The following POLA2 variants were observed in gnomAD, a reference collection of about 807,000 sequenced individuals.
The protein encoded by POLA2 is DNA polymerase alpha subunit B.
A neutral mutation model predicts 82.8 loss-of-function variants in POLA2; 47 were observed. The observed-to-expected ratio is 0.57, with a 90% CI of 0.45 to 0.72. The LOEUF (loss-of-function observed/expected upper bound fraction) is 0.72, where lower values mean the gene tolerates loss of function less well. POLA2 is among the 30% of genes least tolerant of loss of function. The pLI is 0.00. For missense variants in POLA2, 634 were observed against 728.1 expected, an observed-to-expected ratio of 0.87 and a Z score of 1.49; for synonymous variants, 287 against 286.8, an observed-to-expected ratio of 1.00 and a Z score of -0.01.
rs1289486436 is a variant in POLA2 at position 65,268,730 on chromosome 11, G to A, written c.354+1G>A. 4 of 1,569,686 alleles carry A rather than the reference G, an allele frequency of 2.5e-6. No homozygotes were observed. In the African/African-American group the frequency reaches 5.5e-5, roughly 22 times the overall value. ...GAACTCTTACACCACACCTTCAAAG[G>A]TAAGTAAACAGTGTTTGGACATTGC... On this transcript the variant is annotated splice_donor_variant, in intron 4 of 17. Transcript: ENST00000265465. LOFTEE classifies it high-confidence loss of function.
chr11:65,291,655 C>G (rs1307132295), intron 13 of POLA2, among the ~76,000 whole-genome samples: 2 of 152,196 alleles, frequency 1.3e-5, no homozygotes, highest in Non-Finnish European at 2.9e-5. Context: ...TTGTAGTGCC[C>G]TAACACTGGC....
At chr11:65,283,618 C>T (rs1385205700) in intron 10 of POLA2, among the ~76,000 whole-genome samples, 1 of 151,930 alleles carries the variant, frequency 6.6e-6, no homozygotes, top group Non-Finnish European at 1.5e-5. Context: ...TACAGGCGTA[C>T]ACCACACCCG....
At chr11:65,288,730 G>C (rs1949724502) in intron 11 of POLA2, among the ~76,000 whole-genome samples, 1 of 152,114 alleles carries the variant, frequency 6.6e-6, no homozygotes, top group Non-Finnish European at 1.5e-5. Flanking sequence ...ATATTGCCCA[G>C]GCTAGTCTTG....
chr11:65,288,975 G>A (rs1251323198), intron 11 of POLA2, 75 bp from the exon 12 acceptor site: 1 of 1,332,812 alleles, frequency 7.5e-7, no homozygotes, highest in East Asian at 2.3e-5. Context: ...ACTGCCAGAG[G>A]AGGTATCTGA....
chr11:65,278,790 C>T lies in POLA2; in HGVS notation c.522C>T (p.Phe174=), dbSNP rs775935746. Residue 174 remains phenylalanine (F), a synonymous_variant, in exon 6 of 18, where the codon TTC becomes TTT. Coordinates refer to ENST00000265465, the MANE Select transcript of POLA2 (RefSeq NM_002689.4). ...ACCGAGGAGAAGTGGTTACCTCCTT[C>T]GGCTTAGCACAGGGAGTATCTTGGT... ...RSNRGEVVTS[F]GLAQGVSWSG... 2.4e-5 allele frequency: 39 copies of T among 1,613,684 alleles called. No individual in the cohort carries two copies. The highest frequency in any genetic ancestry group is 1.7e-4 in the Middle Eastern group (1 of 5,812).
chr11:65,299,332 C>T (rs867621956), downstream of POLA2, among the ~76,000 whole-genome samples: 19 of 152,246 alleles, frequency 1.2e-4, no homozygotes, highest in African/African-American at 4.6e-4. Context: ...TGCCCATGCC[C>T]TTGCCCTGCC....
At chr11:65,274,351 A>G (rs1483635244) in intron 4 of POLA2, among the ~76,000 whole-genome samples, 1 of 150,482 alleles carries the variant, frequency 6.6e-6, no homozygotes, top group Admixed American at 6.7e-5. Flanking sequence ...GGGCAACAAG[A>G]GCGAAGTGAA....
At chr11:65,302,433 C>T (rs1424357346), downstream of POLA2, among the ~76,000 whole-genome samples, 2 of 152,152 alleles carry the variant, frequency 1.3e-5, no homozygotes, top group African/African-American at 4.8e-5. Flanking sequence ...CTCCCACCAC[C>T]TGCCTCCTAC....
intron 12 of POLA2, 33 bp downstream of exon 12, chr11:65,289,121 T>C: frequency 4.4e-6 from 7 of 1,578,014 alleles, no homozygotes; most frequent in Non-Finnish European, 6.1e-6. Flanking sequence ...GGGTCCTGGG[T>C]ACTTGAATCC....
chr11:65,267,641 G>C, intron 3 of POLA2, 73 bp downstream of exon 3: 1 of 1,037,914 alleles, frequency 9.6e-7, no homozygotes, highest in South Asian at 1.4e-5. Flanking sequence ...AGTCGCATGT[G>C]TAATTTAAAA....
intron 10 of POLA2, among the ~76,000 whole-genome samples, chr11:65,285,026 G>A (rs963657935): frequency 6.6e-6 from 1 of 152,070 alleles, no homozygotes; most frequent in Non-Finnish European, 1.5e-5. Flanking sequence ...CGGGCGTGGT[G>A]GCTCATGCTG....
chr11:65,287,969 C>A, intron 11 of POLA2, 129 bp downstream of exon 11: 2 of 997,830 alleles, frequency 2.0e-6, no homozygotes, highest in African/African-American at 1.6e-5. Flanking sequence ...TAATCTACAT[C>A]TTTGGAGAGG....
In POLA2 at chr11:65,294,219, G is replaced by A; in HGVS notation, c.1311G>A (p.Gln437=). The change falls in exon 14 of 18, where the codon CAG becomes CAA. Residue 437 remains glutamine, a synonymous_variant. Coordinates refer to ENST00000265465, the MANE Select transcript of POLA2 (RefSeq NM_002689.4). The part of the protein sequence containing the change: ...RDVHHEPVYP[Q]PPFSYSDLSR... ...TGCACCATGAGCCTGTGTACCCCCA[G>A]CCGCCTTTCAGCTACTCCGATCTGT... 6.2e-7 allele frequency: 1 copy of A among 1,614,106 alleles called. No individual in the cohort carries two copies. Among genetic ancestry groups the A allele is most frequent in the Non-Finnish European group, 8.5e-7 (1 of 1,180,030 alleles).
chr11:65,282,401 C>A, intron 9 of POLA2, 78 bp from the exon 10 acceptor site: 1 of 1,237,572 alleles, frequency 8.1e-7, no homozygotes, highest in South Asian at 1.2e-5. Context: ...GCACCACCCC[C>A]AACCTGGTGC....
At position 65,278,726 on chromosome 11, in the gene POLA2, T is replaced by G. The variant is rs1327590797; in HGVS notation, c.462-4T>G. ...TAATATTAACCTGTTTTGCTTCCAA[T>G]TAGTGCTACTCCCTCCCAGAAATAC... On this transcript the variant is annotated splice_region_variant and splice_polypyrimidine_tract_variant and intron_variant, in intron 5 of 17. Coordinates refer to ENST00000265465, the MANE Select transcript of POLA2 (RefSeq NM_002689.4). 1 of 1,611,092 alleles carries G rather than the reference T, an allele frequency of 6.2e-7. No homozygotes were observed. The highest frequency in any genetic ancestry group is 1.3e-5 in the African/African-American group (1 of 74,826).
intron 13 of POLA2, among the ~76,000 whole-genome samples, chr11:65,292,791 G>T (rs1348583993): frequency 6.6e-6 from 1 of 152,206 alleles, no homozygotes; most frequent in Non-Finnish European, 1.5e-5. Flanking sequence ...TATCACATGT[G>T]AAAGTGTATG....
intron 11 of POLA2, among the ~76,000 whole-genome samples, chr11:65,288,644 G>A (rs553326908): frequency 4.7e-5 from 7 of 150,514 alleles, no homozygotes; most frequent in Non-Finnish European, 7.4e-5. Context: ...TGAGTCTTCC[G>A]AATAGCTTGG....
chr11:65,278,152 C>T (rs1048181478), intron 5 of POLA2, among the ~76,000 whole-genome samples: 2 of 152,170 alleles, frequency 1.3e-5, no homozygotes, highest in Admixed American at 1.3e-4. Flanking sequence ...AATGTGAGAA[C>T]TTGGCAGTTG....
In POLA2 at chr11:65,266,717, A is replaced by G. The variant is rs1033963579; in HGVS notation, c.204+11A>G. 6.2e-7 allele frequency: 1 copy of G among 1,613,792 alleles called. No homozygotes were observed. On this transcript the variant is annotated intron_variant, in intron 2 of 17. Transcript: ENST00000265465. ...TCTTTTGAGCATGAGGTAAGAACAA[A>G]ATGAAAGCAAACTAATAATGTGATT...
Sources: allele counts gnomAD v4.1 joint callset (sites outside exome capture counted in the v4.1 genomes callset), GRCh38; gene constraint gnomAD v4.1.1; transcripts MANE v1.5; gene names NCBI Gene and HGNC (gene_info 2026-07-23, HGNC 2026-07-21).